The following TMEM232 variants were observed in gnomAD, a reference collection of about 807,000 sequenced individuals.
TMEM232 encodes the protein transmembrane protein 232.
A neutral mutation model predicts 78.8 loss-of-function variants in TMEM232; 80 were observed. The ratio of observed to expected loss-of-function variants is 1.01; its 90% CI spans 0.85 to 1.22. TMEM232 has a LOEUF of 1.22. Among genes scored for constraint, TMEM232 ranks in the 50% most tolerant of loss-of-function variants. The pLI is 0.00. For missense variants in TMEM232, 881 were observed against 742.2 expected, an observed-to-expected ratio of 1.19 and a Z score of -2.17; for synonymous variants, 297 against 254.3, an observed-to-expected ratio of 1.17 and a Z score of -1.60.
chr5:110,441,059 G>C (rs1758980631), intron 12 of TMEM232, among the ~76,000 whole-genome samples: 2 of 152,092 alleles, frequency 1.3e-5, no homozygotes, highest in Admixed American at 1.3e-4. Flanking sequence ...GCTCCTAACT[G>C]CTTTGACGCA....
rs1325795722 is a variant in TMEM232, at chr5:110,566,996, GC to G, written c.1455+1450del. 3.3e-5 allele frequency among the ~76,000 whole-genome samples: 5 copies of G among 152,042 alleles called. No homozygotes were observed. The East Asian group carries it at 9.7e-4, about 29-fold the overall frequency. On this transcript the variant is annotated intron_variant, in intron 11 of 13. Transcript: ENST00000455884. ...GAACAAAGGCATGTTTTACATGGCAGCAGGCAAGAGAGCATGTGCAGGGAAA... is the reference window on the plus strand; with the variant it reads ...GAACAAAGGCATGTTTTACATGGCAGAGGCAAGAGAGCATGTGCAGGGAAA...
chr5:110,414,684 G>GCTTT (rs1340610206), downstream of TMEM232, among the ~76,000 whole-genome samples: 1 of 152,116 alleles, frequency 6.6e-6, no homozygotes, highest in Non-Finnish European at 1.5e-5. Context: ...ATATTAATTT[G>GCTTT]CTTTCTTTAG....
At chr5:110,597,900 C>T (rs956792490) in intron 10 of TMEM232, among the ~76,000 whole-genome samples, 5 of 152,120 alleles carry the variant, frequency 3.3e-5, no homozygotes, top group Non-Finnish European at 7.3e-5. Context: ...AGACCTAAAA[C>T]CATAAAAACC....
chr5:110,541,391 A>C (rs1196001502), intron 11 of TMEM232, among the ~76,000 whole-genome samples: 1 of 152,206 alleles, frequency 6.6e-6, no homozygotes, highest in Non-Finnish European at 1.5e-5. Flanking sequence ...TAGTGCTAAT[A>C]GATAACTTTA....
At chr5:110,407,788 C>G (rs1448548874) in intron 2 of TMEM232, among the ~76,000 whole-genome samples, 1 of 152,036 alleles carries the variant, frequency 6.6e-6, no homozygotes, top group Non-Finnish European at 1.5e-5. Context: ...CAAAACAAGC[C>G]TGTACAAATT....
At chr5:110,480,790 TA>T (rs1763778900) in intron 12 of TMEM232, among the ~76,000 whole-genome samples, 1 of 152,100 alleles carries the variant, frequency 6.6e-6, no homozygotes, top group Non-Finnish European at 1.5e-5. Context: ...TCAGTCAAAA[TA>T]AATACTCCAT....
chr5:110,640,761 A>T lies in TMEM232; in HGVS notation c.343+130T>A, dbSNP rs1015574585. ...TTACAAAATGAATTTTCATAATAAA[A>T]TGTATTTTGATAGAGTAGAAAAATT... is the stretch of plus-strand genomic sequence containing the variant. On this transcript the variant is annotated intron_variant, in intron 4 of 13. Transcript: ENST00000455884. 2.3e-5 allele frequency: 11 copies of T among 469,074 alleles called. No individual in the cohort carries two copies. In the East Asian group the frequency reaches 4.2e-4, roughly 18 times the overall value. The allele number at this position is 469,074 out of a possible 1,614,324, so 29.1% of individuals were successfully genotyped here.
intron 2 of TMEM232, among the ~76,000 whole-genome samples, chr5:110,662,008 A>G (rs1187126493): frequency 2.6e-5 from 4 of 152,056 alleles, no homozygotes; most frequent in African/African-American, 9.7e-5. Flanking sequence ...GGATTTTGTT[A>G]TTAGGGTGTT....
intron 1 of TMEM232, among the ~76,000 whole-genome samples, chr5:110,718,775 T>C (rs1231150645): frequency 6.6e-6 from 1 of 152,088 alleles, no homozygotes; most frequent in Non-Finnish European, 1.5e-5. Flanking sequence ...AAGGGTTCTA[T>C]TCATTTTTTT....
At chr5:110,468,341 G>A (rs901808697) in intron 12 of TMEM232, among the ~76,000 whole-genome samples, 2 of 151,902 alleles carry the variant, frequency 1.3e-5, no homozygotes, top group African/African-American at 4.8e-5. Context: ...ATTACTAGCA[G>A]ACCTTGATTA....
intron 3 of TMEM232, among the ~76,000 whole-genome samples, chr5:110,393,827 G>T (rs1043720060): frequency 1.3e-5 from 2 of 151,474 alleles, no homozygotes; most frequent in African/African-American, 4.8e-5. Flanking sequence ...CATGGTAGGC[G>T]GGCACCTGTA....
chr5:110,457,009 A>T (rs1001291628), intron 12 of TMEM232, among the ~76,000 whole-genome samples: 1 of 152,122 alleles, frequency 6.6e-6, no homozygotes, highest in Non-Finnish European at 1.5e-5. Context: ...TTACATTTTT[A>T]AAAATTAATA....
At chr5:110,425,149 A>T (rs1022312828) in intron 12 of TMEM232, among the ~76,000 whole-genome samples, 1 of 152,162 alleles carries the variant, frequency 6.6e-6, no homozygotes, top group Non-Finnish European at 1.5e-5. Flanking sequence ...ATTAAAGTGC[A>T]TATCCCCATA....
chr5:110,673,312 G>A lies in TMEM232; in HGVS notation c.-12-5948C>T, dbSNP rs189068407. On this transcript the variant is annotated intron_variant, in intron 1 of 13. Transcript: ENST00000455884. ...ACACCACGGCCTGTTGTGGGGTGGCGGGAGGGGGGAGGGATAGTATTAGGA... is the reference window on the plus strand; with the variant it reads ...ACACCACGGCCTGTTGTGGGGTGGCAGGAGGGGGGAGGGATAGTATTAGGA... Among the ~76,000 whole-genome samples the A allele has an allele frequency of 1.1e-3, 172 of 151,690 alleles. 1 individual carries two copies. Among genetic ancestry groups the A allele is most frequent in the Middle Eastern group, 6.8e-3 (2 of 294 alleles).
intron 2 of TMEM232, among the ~76,000 whole-genome samples, chr5:110,408,615 A>C (rs944415836): frequency 6.6e-6 from 1 of 152,074 alleles, no homozygotes; most frequent in Non-Finnish European, 1.5e-5. Context: ...ACAGAGACCC[A>C]AAAAAACCAA....
chr5:110,413,400 A>T (rs1756069546), intron 2 of TMEM232, among the ~76,000 whole-genome samples: 1 of 152,130 alleles, frequency 6.6e-6, no homozygotes, highest in Admixed American at 6.6e-5. Context: ...TGAGACTTGG[A>T]CTATCTTCCT....
chr5:110,422,511 C>T (rs1027194611), intron 13 of TMEM232, among the ~76,000 whole-genome samples: 16 of 99,016 alleles, frequency 1.6e-4, no homozygotes, highest in Admixed American at 7.5e-4. Context: ...CAGAGCGAGA[C>T]TCTGTCTCAA....
At chr5:110,554,911 A>C (rs752569142) in intron 11 of TMEM232, among the ~76,000 whole-genome samples, 2 of 151,964 alleles carry the variant, frequency 1.3e-5, no homozygotes, top group Non-Finnish European at 2.9e-5. Context: ...CCAGGAATTT[A>C]TCTATTCCTT....
intron 1 of TMEM232, among the ~76,000 whole-genome samples, chr5:110,669,206 A>T (rs2150137531): frequency 6.6e-6 from 1 of 152,300 alleles, no homozygotes; most frequent in Non-Finnish European, 1.5e-5. Context: ...TTTTTAGAAA[A>T]GATCAACAAA....
Sources: allele counts gnomAD v4.1 joint callset (sites outside exome capture counted in the v4.1 genomes callset), GRCh38; gene constraint gnomAD v4.1.1; transcripts MANE v1.5; gene names NCBI Gene and HGNC (gene_info 2026-07-23, HGNC 2026-07-21).